Variants in MSH4 observed in about 807,000 individuals in gnomAD.
The protein encoded by MSH4 is mutS protein homolog 4.
A neutral mutation model predicts 113.7 loss-of-function variants in MSH4; 106 were observed. The ratio of observed to expected loss-of-function variants is 0.93; its 90% confidence interval spans 0.80 to 1.10. The LOEUF (loss-of-function observed/expected upper bound fraction) is 1.10, where lower values mean the gene tolerates loss of function less well. Ranked by LOEUF, MSH4 falls within the 50% of genes least tolerant of loss-of-function variation. MSH4 has a pLI of 0.00. For synonymous variants in MSH4, 368 were observed against 380.2 expected (o/e 0.97, Z 0.37); for missense variants, 1,061 against 1,093.7 (o/e 0.97, Z 0.42).
rs145898316 is a variant in MSH4, at chr1:75,852,578, C to T, written c.1230+4302C>T. Among the ~76,000 whole-genome samples the T allele has an allele frequency of 6.3e-3, 965 of 152,226 alleles. 16 individuals carry two copies. Among genetic ancestry groups the T allele is most frequent in the Admixed American group, 0.035 (541 of 15,286 alleles). On this transcript the variant is annotated intron_variant, in intron 8 of 19. Coordinates refer to ENST00000263187, the MANE Select transcript of MSH4 (RefSeq NM_002440.4). ...TAATTTTTGATTCTGGTGAGCCTGT[C>T]GGGTGTCTCATGGTTTTGGTATACA... is the stretch of plus-strand genomic sequence containing the variant.
intron 6 of MSH4, among the ~76,000 whole-genome samples, chr1:75,818,820 T>C (rs2100517176): frequency 6.6e-6 from 1 of 152,286 alleles, no homozygotes; most frequent in Non-Finnish European, 1.5e-5. Context: ...TGGAGTGCAG[T>C]GGTGCAATCT....
chr1:75,909,524 CA>C, intron 19 of MSH4, among the ~76,000 whole-genome samples: 1 of 150,902 alleles, frequency 6.6e-6, no homozygotes, highest in East Asian at 2.0e-4. Context: ...GCAGAACGTG[CA>C]GGTTTGTTAC....
chr1:75,829,360 C>T (rs1650631661), intron 7 of MSH4, among the ~76,000 whole-genome samples: 1 of 152,226 alleles, frequency 6.6e-6, no homozygotes, highest in African/African-American at 2.4e-5. Context: ...CCTCTAGGGG[C>T]AGGGCATAGC....
intron 15 of MSH4, among the ~76,000 whole-genome samples, chr1:75,888,183 AC>A (rs976252527): frequency 6.7e-6 from 1 of 149,950 alleles, no homozygotes; most frequent in African/African-American, 2.5e-5. Flanking sequence ...CCTATTCTTT[AC>A]CCTTTTTTTG....
intron 13 of MSH4, among the ~76,000 whole-genome samples, chr1:75,880,911 C>T (rs1265781961): frequency 6.6e-6 from 1 of 151,664 alleles, no homozygotes; most frequent in Non-Finnish European, 1.5e-5. Flanking sequence ...GGGATCTTTC[C>T]AAGTATAATG....
rs1416932391 is a variant in MSH4, at chr1:75,801,477, A to G, written c.245-2254A>G. ...CAGCTGCTTGGGAGGCTGAGGCAGGAGGATTGCTTGAACCTGGGAGGCAGA... is the reference window on the plus strand; with the variant it reads ...CAGCTGCTTGGGAGGCTGAGGCAGGGGGATTGCTTGAACCTGGGAGGCAGA... On this transcript the variant is annotated intron_variant, in intron 1 of 19. Transcript: ENST00000263187. 4.6e-5 allele frequency among the ~76,000 whole-genome samples: 7 copies of G among 150,942 alleles called. No homozygotes were observed. The South Asian group carries it at 1.0e-3, about 23-fold the overall frequency.
intron 8 of MSH4, among the ~76,000 whole-genome samples, chr1:75,856,369 A>T (rs2047051): frequency 6.6e-6 from 1 of 152,090 alleles, no homozygotes; most frequent in Non-Finnish European, 1.5e-5. Context: ...TACACGTGCC[A>T]TGGTGGTTTG....
rs1281147763 is a variant in MSH4, at chr1:75,796,971, G to A, written c.-15G>A. On this transcript the variant is annotated 5_prime_UTR_variant, in exon 1 of 20. Coordinates refer to ENST00000263187, the MANE Select transcript of MSH4 (RefSeq NM_002440.4). ...AGAAACCTCATACTTCTCGGGTCAG[G>A]GAAGGTTTGGGAGGATGCTGAGGCC... 1.9e-6 allele frequency: 3 copies of A among 1,613,678 alleles called. No individual in the cohort carries two copies. The highest frequency in any genetic ancestry group is 2.5e-6 in the Non-Finnish European group (3 of 1,179,852).
intron 8 of MSH4, among the ~76,000 whole-genome samples, chr1:75,854,562 C>G (rs1484632050): frequency 6.6e-6 from 1 of 152,132 alleles, no homozygotes; most frequent in Non-Finnish European, 1.5e-5. Context: ...CCTTGTCCTC[C>G]TGTGCTATAC....
chr1:75,839,557 C>A (rs7541791), intron 7 of MSH4, among the ~76,000 whole-genome samples: 2 of 152,168 alleles, frequency 1.3e-5, no homozygotes, highest in African/African-American at 4.8e-5. Flanking sequence ...TAAAGTAGAG[C>A]AGCAGGGCAT....
intron 6 of MSH4, among the ~76,000 whole-genome samples, chr1:75,820,224 C>T (rs1650380198): frequency 1.3e-5 from 2 of 152,158 alleles, no homozygotes; most frequent in East Asian, 1.9e-4. Flanking sequence ...AATATTGTAA[C>T]TGATCTATAA....
intron 7 of MSH4, among the ~76,000 whole-genome samples, chr1:75,824,198 G>A (rs1650493911): frequency 6.6e-6 from 1 of 152,072 alleles, no homozygotes; most frequent in East Asian, 1.9e-4. Flanking sequence ...TCTCATTGTG[G>A]TTTTGATTTG....
At position 75,846,820 on chromosome 1, in the gene MSH4, C is replaced by G. The variant is rs767677633; in HGVS notation, c.1163-1389C>G. Among the ~76,000 whole-genome samples the G allele has an allele frequency of 2.8e-4, 43 of 152,314 alleles. No homozygotes were observed. The Middle Eastern group carries it at 0.017, about 60-fold the overall frequency. ...CAAATTCTTCCAACCTCTACCCATT[C>G]CTATTACCCAATTCCTAACCTGCTT... On this transcript the variant is annotated intron_variant, in intron 7 of 19. Transcript: ENST00000263187.
At chr1:75,840,451 T>C (rs1650931187) in intron 7 of MSH4, among the ~76,000 whole-genome samples, 1 of 141,250 alleles carries the variant, frequency 7.1e-6, no homozygotes, top group Admixed American at 7.6e-5. Flanking sequence ...TTCTCACTCA[T>C]AGGTGGGAAT....
chr1:75,868,969 A>G (rs1302701473), intron 9 of MSH4, among the ~76,000 whole-genome samples: 3 of 152,178 alleles, frequency 2.0e-5, no homozygotes, highest in African/African-American at 7.2e-5. Context: ...CTGTAAAGGT[A>G]CCTGAAAATA....
chr1:75,867,544 T>G lies in MSH4; in HGVS notation c.1261T>G (p.Leu421Val), dbSNP rs1179056715. The G allele has an allele frequency of 1.3e-6, 2 of 1,599,500 alleles. No homozygotes were observed. The highest frequency in any genetic ancestry group is 1.1e-5 in the South Asian group (1 of 88,970). Residue 421 changes from leucine to valine, a missense_variant, in exon 9 of 20, where the codon TTA (leucine) becomes GTA (valine). Leu to Val is a conservative substitution (Grantham distance 32). Coordinates refer to ENST00000263187, the MANE Select transcript of MSH4 (RefSeq NM_002440.4). Reference sequence around the variant, plus strand: ...TGCTGCTGAATCAAAGATAACAAATTTAATATACTTAAAACATACCTTGGA... The same window carrying G: ...TGCTGCTGAATCAAAGATAACAAATGTAATATACTTAAAACATACCTTGGA... ...VNAAESKITNLIYLKHTLELV... is the reference protein window; with the variant it reads ...VNAAESKITNVIYLKHTLELV...
At chr1:75,830,479 A>G (rs1650658749) in intron 7 of MSH4, among the ~76,000 whole-genome samples, 1 of 152,154 alleles carries the variant, frequency 6.6e-6, no homozygotes, top group South Asian at 2.1e-4. Flanking sequence ...ATTCCAAGAC[A>G]CATAATTGTC....
At position 75,812,062 on chromosome 1, in the gene MSH4, T is replaced by TTTGTTG. The variant is rs5745361; in HGVS notation, c.699+1272_699+1277dup. On this transcript the variant is annotated intron_variant, in intron 4 of 19. Transcript: ENST00000263187. ...ATCCATACCTTTCCAACTTTCATGTTTTGTTGTTGTTGTTGTTGTTGTGAT... is the reference window on the plus strand; with the variant it reads ...ATCCATACCTTTCCAACTTTCATGTTTTGTTGTTGTTGTTGTTGTTGTTGTTGTGAT... Among the ~76,000 whole-genome samples, 11 of 151,994 alleles carry TTTGTTG rather than the reference T, an allele frequency of 7.2e-5. No homozygotes were observed. The South Asian group carries it at 1.0e-3, about 14-fold the overall frequency.
intron 7 of MSH4, among the ~76,000 whole-genome samples, chr1:75,825,159 T>C (rs981263140): frequency 6.6e-6 from 1 of 152,146 alleles, no homozygotes; most frequent in African/African-American, 2.4e-5. Flanking sequence ...TTTGTAGTTC[T>C]CATTGAAGAG....
Sources: allele counts gnomAD v4.1 joint callset (sites outside exome capture counted in the v4.1 genomes callset), GRCh38; gene constraint gnomAD v4.1.1; transcripts MANE v1.5; gene names NCBI Gene and HGNC (gene_info 2026-07-23, HGNC 2026-07-21).